The following GAS6 variants were observed in gnomAD, a reference collection of about 807,000 sequenced individuals.
GAS6 encodes the protein growth arrest-specific protein 6.
In GAS6, 41 loss-of-function variants were observed where a neutral mutation model predicts 75.8. The ratio of observed to expected loss-of-function variants is 0.54; its 90% CI spans 0.42 to 0.70. The LOEUF is 0.70. Ranked by LOEUF, GAS6 falls within the 30% of genes least tolerant of loss-of-function variation. The pLI, the probability that GAS6 is intolerant of heterozygous loss-of-function variation, is 0.00. For synonymous variants in GAS6, 432 were observed against 412.6 expected, an observed-to-expected ratio of 1.05 and a Z score of -0.57; for missense variants, 854 against 940.2, an observed-to-expected ratio of 0.91 and a Z score of 1.20.
intron 10 of GAS6, among the ~76,000 whole-genome samples, chr13:113,829,207 T>A (rs113169690): frequency 1.2e-5 from 1 of 81,170 alleles, no homozygotes. Flanking sequence ...CACCTGATCC[T>A]CACCTGGGCC....
At chr13:113,854,540 C>T (rs2051899537) in intron 2 of GAS6, among the ~76,000 whole-genome samples, 1 of 152,254 alleles carries the variant, frequency 6.6e-6, no homozygotes, top group African/African-American at 2.4e-5. Flanking sequence ...CTCCCGACAG[C>T]CCCCAGCAGG....
Position 113,837,243 on chromosome 13 carries a change from G to C in GAS6, c.589+826C>G, listed in dbSNP as rs1007211392. The stretch of plus-strand genomic sequence containing the variant: ...GTCAGGGAAGGGAACCACCAAAGTG[G>C]ACAGAAATAGCAGCTGCCTTTTGAA... On this transcript the variant is annotated intron_variant, in intron 6 of 14. Transcript: ENST00000327773. The surrounding 1 kb of genome is among the most constrained non-coding windows in gnomAD (Gnocchi z 5.1). Among the ~76,000 whole-genome samples the C allele has an allele frequency of 6.6e-6, 1 of 152,160 alleles. No homozygotes were observed. The highest frequency in any genetic ancestry group is 6.5e-5 in the Admixed American group (1 of 15,288).
chr13:113,823,308 C>T (rs2051484997), intron 13 of GAS6, 67 bp downstream of exon 13: 6 of 1,498,288 alleles, frequency 4.0e-6, no homozygotes, highest in Non-Finnish European at 4.5e-6. Context: ...CGTCCCCTGC[C>T]AGGGAGTGCA....
rs545323463 is a variant in GAS6 at position 113,850,321 on chromosome 13, C to T, written c.256-2271G>A. On this transcript the variant is annotated intron_variant, in intron 2 of 14. Transcript: ENST00000327773. ...GGAGTCCCCATGGAGCAGAGGCCAC[C>T]ACTCAGGAGGCCGGAATTTAGAACC... is the stretch of plus-strand genomic sequence containing the variant. Among the ~76,000 whole-genome samples the T allele has an allele frequency of 2.6e-5, 4 of 152,212 alleles. 1 individual carries two copies. In the South Asian group the frequency reaches 8.3e-4, roughly 32 times the overall value.
At chr13:113,829,730 C>T (rs951452972) in intron 10 of GAS6, among the ~76,000 whole-genome samples, 7 of 150,292 alleles carry the variant, frequency 4.7e-5, no homozygotes, top group Non-Finnish European at 7.4e-5. Context: ...CCAAGAGGGA[C>T]CTGACCTCAG....
intron 5 of GAS6, 64 bp from the exon 6 acceptor site, chr13:113,838,255 G>A (rs2138642922): frequency 6.3e-7 from 1 of 1,595,494 alleles, no homozygotes; most frequent in Non-Finnish European, 8.5e-7. Context: ...ACGGTAGGAA[G>A]AGATCCCAGA....
At chr13:113,826,424 G>A (rs182653948) in intron 12 of GAS6, among the ~76,000 whole-genome samples, 5,230 of 128,640 alleles carry the variant, frequency 0.041, 331 homozygotes, top group East Asian at 0.12. Context: ...TCCCGGCGCT[G>A]GCCTCGCAGG....
chr13:113,823,924 G>A (rs1285445214), intron 12 of GAS6, among the ~76,000 whole-genome samples: 17 of 152,244 alleles, frequency 1.1e-4, no homozygotes. Context: ...TCCTCAGAGC[G>A]TGCGTGGCCT....
At chr13:113,852,075 G>A (rs943966410) in intron 2 of GAS6, among the ~76,000 whole-genome samples, 43 of 152,252 alleles carry the variant, frequency 2.8e-4, no homozygotes, top group Non-Finnish European at 8.8e-5. Flanking sequence ...AGCAGGGCAG[G>A]TGCTCGGCCT....
intron 3 of GAS6, chr13:113,847,053 C>A: frequency 2.0e-6 from 1 of 501,112 alleles, no homozygotes; most frequent in Non-Finnish European, 4.0e-6. Flanking sequence ...GCTAGGGCGG[C>A]GGGGGGAGGC....
At chr13:113,846,098 G>A (rs2051831497) in intron 4 of GAS6, among the ~76,000 whole-genome samples, 1 of 152,264 alleles carries the variant, frequency 6.6e-6, no homozygotes, top group Non-Finnish European at 1.5e-5. Flanking sequence ...GTGAAGGTGA[G>A]ACACGCTAAG....
rs1566369377 is a variant in GAS6 at position 113,845,076 on chromosome 13, T to C, written c.343+1451A>G. 6.6e-6 allele frequency: 1 copy of C among 150,756 alleles called. No individual in the cohort carries two copies. The highest frequency in any genetic ancestry group is 1.5e-5 in the Non-Finnish European group (1 of 67,992). 9.3% of individuals were successfully genotyped at this position (150,756 alleles called of 1,614,324 possible). A position where few individuals can be genotyped will look rare whatever the true frequency, so the allele number is the denominator to read the frequency against. On this transcript the variant is annotated intron_variant, in intron 4 of 14. Coordinates refer to ENST00000327773, the MANE Select transcript of GAS6 (RefSeq NM_000820.4). This position sits in a 1 kb window ranked among gnomAD's most constrained non-coding sequence, Gnocchi z 4.3. ...TGTCTCCTCTGAGCACGCAGGAGCC[T>C]CTGCCCCAAATGCAGACATTGGGCC...
chr13:113,859,360 CTG>C (rs1372659977), intron 2 of GAS6, among the ~76,000 whole-genome samples: 18 of 138,968 alleles, frequency 1.3e-4, no homozygotes, highest in Admixed American at 2.9e-4. Context: ...GTCTGTGTGA[CTG>C]TATGTCTATG....
At chr13:113,835,398 A>G in intron 7 of GAS6, 115 bp downstream of exon 7, 2 of 1,239,574 alleles carry the variant, frequency 1.6e-6, no homozygotes, top group Non-Finnish European at 2.3e-6. Context: ...AGGGAGAAAG[A>G]GACTTTCTTT....
intron 2 of GAS6, among the ~76,000 whole-genome samples, chr13:113,851,091 G>C (rs1180480795): frequency 1.3e-5 from 2 of 151,342 alleles, no homozygotes; most frequent in African/African-American, 4.9e-5. Flanking sequence ...GGATGGATGA[G>C]TGGGTGGATG....
chr13:113,847,118 C>T (rs780633990), intron 3 of GAS6: 25 of 385,682 alleles, frequency 6.5e-5, no homozygotes, highest in Middle Eastern at 7.6e-4. Context: ...TTGTGCAGAA[C>T]GGTGCGGGGC....
chr13:113,842,978 A>AT (rs2051801800), intron 4 of GAS6: 3 of 395,428 alleles, frequency 7.6e-6, no homozygotes, highest in Non-Finnish European at 1.3e-5. Flanking sequence ...CCCCCAACTC[A>AT]TTTGTTTATT....
intron 3 of GAS6, chr13:113,847,051 G>A (rs757443246): frequency 1.8e-5 from 9 of 501,262 alleles, no homozygotes; most frequent in South Asian, 4.4e-5. Flanking sequence ...CCGCTAGGGC[G>A]GCGGGGGGAG....
chr13:113,848,027 T>C lies in GAS6; in HGVS notation c.279A>G (p.Leu93=), dbSNP rs372797477. ...AGTAGAGAAGTAATTGAGACTTACC[T>C]AAGTATCTTGGGTAAAAATAATCCT... ...PETDYFYPRY[L]DCINKYGSPY... The change falls in exon 3 of 15, where the codon TTA becomes TTG. Residue 93 remains leucine (L), a splice_region_variant and synonymous_variant. Transcript: ENST00000327773. This position sits in a 1 kb window ranked among gnomAD's most constrained non-coding sequence, Gnocchi z 4.8. The C allele has an allele frequency of 2.5e-6, 4 of 1,612,672 alleles. No homozygotes were observed. The African/African-American group carries it at 4.0e-5, about 16-fold the overall frequency.
Sources: gnomAD v4.1 joint callset for allele counts (sites outside exome capture counted in the v4.1 genomes callset) on GRCh38, gnomAD v4.1.1 for gene constraint, Gnocchi (gnomAD v3.1) non-coding constraint, MANE v1.5 for transcripts, NCBI Gene and HGNC (gene_info 2026-07-23, HGNC 2026-07-21) for gene names.